Variants in IDE observed in about 807,000 individuals in gnomAD.
The protein encoded by IDE is insulin degrading enzyme, also known as insulin-degrading enzyme.
A neutral mutation model predicts 133.2 loss-of-function variants in IDE; 58 were observed. The observed-to-expected ratio is 0.44, with a 90% CI of 0.35 to 0.54. The LOEUF (loss-of-function observed/expected upper bound fraction) is 0.54, where lower values mean the gene tolerates loss of function less well. IDE is among the 20% of genes least tolerant of loss of function. IDE has a pLI of 0.00. For synonymous variants in IDE, 396 were observed against 421.3 expected (o/e 0.94, Z 0.73); for missense variants, 981 against 1,234.0 (o/e 0.79, Z 3.07).
At chr10:92,456,294 C>T in intron 23 of IDE, 65 bp downstream of exon 23, 3 of 1,087,160 alleles carry the variant, frequency 2.8e-6, no homozygotes, top group Non-Finnish European at 2.9e-6. Context: ...AGGCATGTAG[C>T]TATGACAAAG....
At chr10:92,469,569 C>T (rs1222918563) in intron 18 of IDE, among the ~76,000 whole-genome samples, 1 of 152,052 alleles carries the variant, frequency 6.6e-6, no homozygotes, top group African/African-American at 2.4e-5. Context: ...GCTAGGACTA[C>T]AGGCATGCAC....
At chr10:92,549,505 A>G (rs1332298282) in intron 1 of IDE, among the ~76,000 whole-genome samples, 1 of 152,160 alleles carries the variant, frequency 6.6e-6, no homozygotes, top group Non-Finnish European at 1.5e-5. Context: ...AAAGATTTAC[A>G]TAAAGAGAGG....
In IDE at chr10:92,451,802, A is replaced by T. The variant is rs989545901; in HGVS notation, c.*2642T>A. 6.6e-6 allele frequency: 1 copy of T among 152,286 alleles called. No individual in the cohort carries two copies. The highest frequency in any genetic ancestry group is 1.5e-5 in the Non-Finnish European group (1 of 68,058). 9.4% of individuals were successfully genotyped at this position (152,286 alleles called of 1,614,324 possible). On this transcript the variant is annotated 3_prime_UTR_variant, in exon 25 of 25. Coordinates refer to ENST00000265986, the MANE Select transcript of IDE (RefSeq NM_004969.4). The stretch of plus-strand genomic sequence containing the variant: ...ATATGAGTAGAAAAATTATTTTGAC[A>T]GGGATCAAGAAGACAGAGATTGAAC...
At chr10:92,556,066 G>A (rs940618202) in intron 1 of IDE, among the ~76,000 whole-genome samples, 5 of 151,204 alleles carry the variant, frequency 3.3e-5, no homozygotes, top group South Asian at 2.1e-4. Context: ...CCAGCTACTC[G>A]GGAGGCTGAG....
At chr10:92,573,614 ACT>A (rs1396315499) in intron 1 of IDE, among the ~76,000 whole-genome samples, 1 of 151,796 alleles carries the variant, frequency 6.6e-6, no homozygotes, top group African/African-American at 2.4e-5. Flanking sequence ...AGGCCGGGTG[ACT>A]CTGTCCGCCC....
At chr10:92,510,813 CATAT>C (rs550900666) in intron 5 of IDE, among the ~76,000 whole-genome samples, 1 of 149,364 alleles carries the variant, frequency 6.7e-6, no homozygotes, top group African/African-American at 2.5e-5. Flanking sequence ...ATACATATCA[CATAT>C]ATGATATATA....
At chr10:92,557,859 A>T (rs1843085927) in intron 1 of IDE, among the ~76,000 whole-genome samples, 1 of 136,436 alleles carries the variant, frequency 7.3e-6, no homozygotes, top group Non-Finnish European at 1.5e-5. Flanking sequence ...TGGGCAACAG[A>T]GCAAGATTCC....
intron 4 of IDE, among the ~76,000 whole-genome samples, chr10:92,526,161 A>T (rs1220209964): frequency 6.6e-6 from 1 of 152,000 alleles, no homozygotes; most frequent in Non-Finnish European, 1.5e-5. Context: ...TCAAAAAAAA[A>T]AAAAAAGTAA....
At chr10:92,572,942 C>A in intron 1 of IDE, 1 of 985,388 alleles carries the variant, frequency 1.0e-6, no homozygotes, top group South Asian at 4.7e-5. Flanking sequence ...CCCGTGGCAT[C>A]CCAATCCGCT....
Position 92,537,388 on chromosome 10 carries a change from T to C in IDE, c.261A>G (p.Ser87=). The change falls in exon 2 of 25, where the codon TCA becomes TCG. Residue 87 remains serine, a synonymous_variant. Transcript: ENST00000265986. The part of the protein sequence containing the change: ...LISDPTTDKS[S]AALDVHIGSL... ...TACCTATGTGCACATCAAGTGCTGC[T>C]GATGACTTATCCGTGGTGGGATCAC... 1 of 1,608,036 alleles carries C rather than the reference T, an allele frequency of 6.2e-7. No homozygotes were observed. The highest frequency in any genetic ancestry group is 8.5e-7 in the Non-Finnish European group (1 of 1,178,572).
intron 20 of IDE, 81 bp downstream of exon 20, chr10:92,465,595 T>C (rs2135348742): frequency 7.9e-7 from 1 of 1,261,906 alleles, no homozygotes; most frequent in Non-Finnish European, 1.1e-6. Flanking sequence ...CAGTGTTAGG[T>C]GAAAATGTGG....
chr10:92,464,950 G>A (rs1055910116), intron 20 of IDE, among the ~76,000 whole-genome samples: 6 of 152,222 alleles, frequency 3.9e-5, no homozygotes, highest in East Asian at 1.9e-4. Context: ...GATTATAGGC[G>A]TGAGCCACCG....
intron 4 of IDE, among the ~76,000 whole-genome samples, chr10:92,530,386 T>C (rs927657707): frequency 2.0e-5 from 3 of 151,966 alleles, no homozygotes; most frequent in African/African-American, 4.8e-5. Flanking sequence ...TTGAACTCAC[T>C]GGCTCAAGCC....
chr10:92,572,370 A>T (rs1843826324), intron 1 of IDE, among the ~76,000 whole-genome samples: 1 of 152,166 alleles, frequency 6.6e-6, no homozygotes, highest in African/African-American at 2.4e-5. Flanking sequence ...ACATTATAGG[A>T]GATTTTGTGA....
intron 4 of IDE, among the ~76,000 whole-genome samples, chr10:92,524,425 A>ATATATTTTATATAATATATATTATATATT (rs1849451373): frequency 1.3e-5 from 1 of 74,990 alleles, no homozygotes; most frequent in Non-Finnish European, 2.4e-5. Flanking sequence ...TATTATATAT[A>ATATATTTTATATAATATATATTATATATT]ATATATTTTA....
At chr10:92,479,557 T>G in intron 14 of IDE, 136 bp from the exon 15 acceptor site, 2 of 666,978 alleles carry the variant, frequency 3.0e-6, no homozygotes, top group Non-Finnish European at 5.1e-6. Flanking sequence ...TGAGGCTATT[T>G]CTTATGAGGA....
intron 17 of IDE, chr10:92,474,414 T>C (rs1016021174): frequency 2.0e-5 from 3 of 152,306 alleles, no homozygotes; most frequent in African/African-American, 7.3e-5. Context: ...AGGTCCAGAT[T>C]GAAAACAGTA....
Position 92,508,756 on chromosome 10 carries a change from T to C in IDE, c.1032A>G (p.Gly344=). 1.9e-6 allele frequency: 3 copies of C among 1,614,062 alleles called. No homozygotes were observed. The highest frequency in any genetic ancestry group is 2.5e-6 in the Non-Finnish European group (3 of 1,179,968). Residue 344 remains glycine, a synonymous_variant, in exon 7 of 25, where the codon GGA becomes GGG. Transcript: ENST00000265986. ...LGHLIGHEGP[G]SLLSELKSKG... ...TTGACTTAAGTTCTGATAACAGACT[T>C]CCAGGACCTTCATGCCCAATGAGAT... is the stretch of plus-strand genomic sequence containing the variant.
At chr10:92,470,376 C>A in intron 17 of IDE, 31 bp from the exon 18 acceptor site, 2 of 1,429,772 alleles carry the variant, frequency 1.4e-6, no homozygotes, top group Non-Finnish European at 9.6e-7. Flanking sequence ...ATAGTGAGCG[C>A]TACCTATGAG....
Sources: gnomAD v4.1 joint callset for allele counts (sites outside exome capture counted in the v4.1 genomes callset) on GRCh38, gnomAD v4.1.1 for gene constraint, MANE v1.5 for transcripts, NCBI Gene and HGNC (gene_info 2026-07-23, HGNC 2026-07-21) for gene names.